Variants in RAB3D observed in about 807,000 individuals in gnomAD.
The protein encoded by RAB3D is ras-related protein Rab-3D.
In RAB3D, 17 loss-of-function variants were observed where a neutral mutation model predicts 19.3. The ratio of observed to expected loss-of-function variants is 0.88; its 90% confidence interval spans 0.60 to 1.32. The LOEUF (loss-of-function observed/expected upper bound fraction) is 1.32, where lower values mean the gene tolerates loss of function less well. RAB3D is among the 40% of genes most tolerant of loss of function. The pLI is 0.00. For synonymous variants in RAB3D, 103 were observed against 119.9 expected (o/e 0.86, Z 0.92); for missense variants, 223 against 299.1 (o/e 0.75, Z 1.88).
At chr19:11,337,692 CAA>C (rs1038307820) in intron 1 of RAB3D, among the ~76,000 whole-genome samples, 7 of 147,954 alleles carry the variant, frequency 4.7e-5, no homozygotes, top group Non-Finnish European at 1.0e-4. Flanking sequence ...TTTTTAGAGA[CAA>C]GATCTCGCTC....
At position 11,337,253 on chromosome 19, in the gene RAB3D, G is replaced by T; in HGVS notation, c.147C>A (p.Pro49=). The T allele has an allele frequency of 6.2e-7, 1 of 1,614,118 alleles. No homozygotes were observed. Among genetic ancestry groups the T allele is most frequent in the Non-Finnish European group, 8.5e-7 (1 of 1,180,030 alleles). ...LFRYADDSFT[P]AFVSTVGIDF... ...CGATGCCCACAGTACTGACGAAGGC[G>T]GGAGTGAAGGAGTCGTCCGCGTATC... is the stretch of plus-strand genomic sequence containing the variant. The change falls in exon 2 of 5, where the codon CCC becomes CCA. Residue 49 remains proline, a synonymous_variant. Coordinates refer to ENST00000222120, the MANE Select transcript of RAB3D (RefSeq NM_004283.4).
At chr19:11,338,120 G>A (rs962314694) in intron 1 of RAB3D, among the ~76,000 whole-genome samples, 3 of 152,170 alleles carry the variant, frequency 2.0e-5, no homozygotes, top group African/African-American at 4.8e-5. Flanking sequence ...CACACGTAAC[G>A]GTCATTAGAC....
rs139489541 is a variant in RAB3D at position 11,324,494 on chromosome 19, C to CCAGCTAAA, written c.*896_*903dup. 2.6e-5 allele frequency: 4 copies of CCAGCTAAA among 152,156 alleles called. No individual in the cohort carries two copies. Among genetic ancestry groups the CCAGCTAAA allele is most frequent in the Non-Finnish European group, 5.9e-5 (4 of 67,996 alleles). 9.4% of individuals were successfully genotyped at this position (152,156 alleles called of 1,614,324 possible). ...GGGCAAGAACTTGCTTAAAACACAA[C>CCAGCTAAA]CAGCTAAACAGCTAAACAGGGCCTG... On this transcript the variant is annotated 3_prime_UTR_variant, in exon 5 of 5. Coordinates refer to ENST00000222120, the MANE Select transcript of RAB3D (RefSeq NM_004283.4).
chr19:11,327,081 A>C, intron 4 of RAB3D: 1 of 424,628 alleles, frequency 2.4e-6, no homozygotes, highest in Non-Finnish European at 4.2e-6. Flanking sequence ...GTCATGCTGA[A>C]CTATGAAAAT....
At chr19:11,326,838 G>A (rs1316322732) in intron 4 of RAB3D, 3 of 663,372 alleles carry the variant, frequency 4.5e-6, no homozygotes, top group Non-Finnish European at 5.5e-6. Context: ...TTGAACTGCT[G>A]GCCTAAAGCG....
At chr19:11,338,344 C>T (rs1274707605) in intron 1 of RAB3D, among the ~76,000 whole-genome samples, 4 of 152,292 alleles carry the variant, frequency 2.6e-5, no homozygotes, top group South Asian at 2.1e-4. Flanking sequence ...GTGTGGACTT[C>T]GCCCCAGCGT....
chr19:11,335,623 G>A (rs1487526703), intron 3 of RAB3D, 42 bp downstream of exon 3: 1 of 1,613,906 alleles, frequency 6.2e-7, no homozygotes. Flanking sequence ...GGGGTCAGAG[G>A]AGAGGGCAAA....
chr19:11,334,201 G>C (rs926458446), intron 4 of RAB3D, among the ~76,000 whole-genome samples: 1 of 152,082 alleles, frequency 6.6e-6, no homozygotes, highest in South Asian at 2.1e-4. Context: ...AGCCAGGCAC[G>C]GTGGCTCACG....
rs146994440 is a variant in RAB3D, at chr19:11,323,506, G to C, written c.*1892C>G. On this transcript the variant is annotated 3_prime_UTR_variant, in exon 5 of 5. Coordinates refer to ENST00000222120, the MANE Select transcript of RAB3D (RefSeq NM_004283.4). Reference sequence around the variant, plus strand: ...CTCGGGAGGCTGAGGCAGGAGAATCGCTTGAACCCTGGAGGTGGAGGTTGC... The same window carrying C: ...CTCGGGAGGCTGAGGCAGGAGAATCCCTTGAACCCTGGAGGTGGAGGTTGC... The C allele has an allele frequency of 6.6e-6, 1 of 152,136 alleles. No homozygotes were observed. Among genetic ancestry groups the C allele is most frequent in the Non-Finnish European group, 1.5e-5 (1 of 68,050 alleles). The allele number at this position is 152,136 out of a possible 1,614,324, so 9.4% of individuals were successfully genotyped here. A position where few individuals can be genotyped will look rare whatever the true frequency, so the allele number is the denominator to read the frequency against.
intron 4 of RAB3D, among the ~76,000 whole-genome samples, chr19:11,328,378 G>A (rs998625684): frequency 2.0e-5 from 3 of 149,088 alleles, no homozygotes; most frequent in Non-Finnish European, 3.0e-5. Context: ...GGTGCCAGGC[G>A]TGGTGGCTCA....
chr19:11,327,829 C>T (rs566995988), intron 4 of RAB3D, among the ~76,000 whole-genome samples: 2 of 151,930 alleles, frequency 1.3e-5, no homozygotes, highest in Admixed American at 1.3e-4. Context: ...GACCCTGTCT[C>T]TAAAACAAAT....
At position 11,323,576 on chromosome 19, in the gene RAB3D, G is replaced by A. The variant is rs1445140668; in HGVS notation, c.*1822C>T. 1 of 152,124 alleles carries A rather than the reference G, an allele frequency of 6.6e-6. No homozygotes were observed. The highest frequency in any genetic ancestry group is 1.9e-4 in the East Asian group (1 of 5,194). The allele number at this position is 152,124 out of a possible 1,614,324, so 9.4% of individuals were successfully genotyped here. ...ACCGCACTCCAGCCTGGGCAATAGA[G>A]CGAGACTCTGTATCAAAAAAACAAA... On this transcript the variant is annotated 3_prime_UTR_variant, in exon 5 of 5. Transcript: ENST00000222120.
intron 1 of RAB3D, among the ~76,000 whole-genome samples, chr19:11,337,838 T>TA (rs1298895622): frequency 1.3e-5 from 2 of 151,786 alleles, no homozygotes; most frequent in East Asian, 1.9e-4. Context: ...CAGGCTAATT[T>TA]AAAAAAAATT....
At chr19:11,327,000 A>G (rs192427308) in intron 4 of RAB3D, 107 of 481,538 alleles carry the variant, frequency 2.2e-4, no homozygotes, top group African/African-American at 2.1e-3. Context: ...CACCAAGGTA[A>G]GCCAGGAATT....
intron 1 of RAB3D, among the ~76,000 whole-genome samples, chr19:11,338,624 C>G (rs561733885): frequency 2.6e-4 from 40 of 152,246 alleles, no homozygotes; most frequent in African/African-American, 9.6e-4. Context: ...TCAAAGGGGC[C>G]AGGCCTGTCT....
chr19:11,328,433 C>T (rs987215784), intron 4 of RAB3D, among the ~76,000 whole-genome samples: 6 of 151,038 alleles, frequency 4.0e-5, no homozygotes, highest in Non-Finnish European at 8.8e-5. Context: ...GGGCGGATCA[C>T]GAGGTCAGGA....
At chr19:11,326,591 C>T (rs2080814406) in intron 4 of RAB3D, among the ~76,000 whole-genome samples, 1 of 152,164 alleles carries the variant, frequency 6.6e-6, no homozygotes, top group Admixed American at 6.6e-5. Flanking sequence ...GGAGACCCAT[C>T]AAGTCACATT....
At chr19:11,335,892 A>G in intron 2 of RAB3D, 109 bp from the exon 3 acceptor site, 2 of 1,018,148 alleles carry the variant, frequency 2.0e-6, no homozygotes, top group African/African-American at 1.6e-5. Flanking sequence ...CGGGGGAGAC[A>G]CAGACTTGCT....
chr19:11,325,211 C>T lies in RAB3D; in HGVS notation c.*187G>A. The T allele has an allele frequency of 5.4e-6, 3 of 556,458 alleles. No individual in the cohort carries two copies. The highest frequency in any genetic ancestry group is 2.1e-5 in the South Asian group (1 of 46,706). 34.5% of individuals were successfully genotyped at this position (556,458 alleles called of 1,614,324 possible). A position where few individuals can be genotyped will look rare whatever the true frequency, so the allele number is the denominator to read the frequency against. ...AGTCCCCATGGTCCGCAGCCTCCCA[C>T]CGGGGCTGCCTGAGGAACCTGGCAG... On this transcript the variant is annotated 3_prime_UTR_variant, in exon 5 of 5. Transcript: ENST00000222120.
Sources: gnomAD v4.1 joint callset for allele counts (sites outside exome capture counted in the v4.1 genomes callset) on GRCh38, gnomAD v4.1.1 for gene constraint, MANE v1.5 for transcripts, NCBI Gene and HGNC (gene_info 2026-07-23, HGNC 2026-07-21) for gene names.